G3BP1: variants seen among roughly 807,000 people sequenced by gnomAD.
G3BP1 encodes ras GTPase-activating protein-binding protein 1.
Under a neutral mutation model 58.6 loss-of-function variants are expected in G3BP1, and 35 were observed. The ratio of observed to expected loss-of-function variants is 0.60; its 90% CI spans 0.46 to 0.79. G3BP1 has a LOEUF of 0.79. Among genes scored for constraint, G3BP1 ranks in the 30% least tolerant of loss-of-function variants. The probability of loss-of-function intolerance (pLI) is 0.00; values close to 1 mark genes in which losing one functional copy is unlikely to be tolerated. For missense variants in G3BP1, 523 were observed against 580.8 expected, an observed-to-expected ratio of 0.90 and a Z score of 1.02; for synonymous variants, 191 against 195.4, an observed-to-expected ratio of 0.98 and a Z score of 0.19.
At chr5:151,780,577 C>G (rs927652399) in intron 1 of G3BP1, among the ~76,000 whole-genome samples, 5 of 152,168 alleles carry the variant, frequency 3.3e-5, no homozygotes, top group Admixed American at 1.3e-4. Context: ...GTGGTGCGAT[C>G]TTGGCTCATT....
chr5:151,787,776 G>A, intron 2 of G3BP1: 1 of 313,650 alleles, frequency 3.2e-6, no homozygotes, highest in Non-Finnish European at 6.5e-6. Context: ...TTGCATATTG[G>A]ATACCACATG....
intron 1 of G3BP1, among the ~76,000 whole-genome samples, chr5:151,781,567 A>G (rs1762471532): frequency 6.6e-6 from 1 of 152,222 alleles, no homozygotes; most frequent in Non-Finnish European, 1.5e-5. Flanking sequence ...ATCACTAATG[A>G]TGCTGAAAGC....
At position 151,797,266 on chromosome 5, in the gene G3BP1, A is replaced by T; in HGVS notation, c.579A>T (p.Glu193Asp). Residue 193 changes from glutamate (E) to aspartate (D), a missense_variant, in exon 7 of 12, where the codon GAA becomes GAT. Transcript: ENST00000356245. Reference sequence around the variant, plus strand: ...AACATTTAGAGGAGCCTGTTGCTGAACCAGAGCCTGATCCTGAACCAGAAC... The same window carrying T: ...AACATTTAGAGGAGCCTGTTGCTGATCCAGAGCCTGATCCTGAACCAGAAC... ...MEEHLEEPVA[E>D]PEPDPEPEPE... is the part of the protein sequence containing the mutation. The T allele has an allele frequency of 6.2e-7, 1 of 1,613,324 alleles. No homozygotes were observed. Among genetic ancestry groups the T allele is most frequent in the Non-Finnish European group, 8.5e-7 (1 of 1,179,266 alleles).
At chr5:151,781,708 C>CAATATT (rs1762474629) in intron 1 of G3BP1, among the ~76,000 whole-genome samples, 1 of 152,184 alleles carries the variant, frequency 6.6e-6, no homozygotes. Context: ...AAACAGACAG[C>CAATATT]ATAAACATAT....
chr5:151,800,951 T>A (rs1762840297), intron 11 of G3BP1, 82 bp downstream of exon 11: 1 of 689,844 alleles, frequency 1.4e-6, no homozygotes, highest in Non-Finnish European at 2.6e-6. Flanking sequence ...TACAGCTGGG[T>A]CTTTATGTAA....
chr5:151,791,044 G>A lies in G3BP1; in HGVS notation c.333G>A (p.Thr111=), dbSNP rs372525889. 54 of 1,613,532 alleles carry A rather than the reference G, an allele frequency of 3.3e-5. No homozygotes were observed. In the East Asian group the frequency reaches 8.5e-4, roughly 25 times the overall value. ...AGGCTTTGAGGAGATTCATGCAAAC[G>A]TTTGTCCTTGCTCCTGAGGTATGTG... is the stretch of plus-strand genomic sequence containing the variant. The part of the protein sequence containing the change: ...NNQALRRFMQ[T]FVLAPEGSVA... The change falls in exon 4 of 12, where the codon ACG becomes ACA. Residue 111 remains threonine (T), a synonymous_variant. Transcript: ENST00000356245.
rs781546036 is a variant in G3BP1 at position 151,804,849 on chromosome 5, A to G, written c.*758A>G. 4 of 152,762 alleles carry G rather than the reference A, an allele frequency of 2.6e-5. No individual in the cohort carries two copies. The highest frequency in any genetic ancestry group is 4.4e-5 in the Non-Finnish European group (3 of 68,022). The allele number at this position is 152,762 out of a possible 1,614,324, so 9.5% of individuals were successfully genotyped here. On this transcript the variant is annotated 3_prime_UTR_variant, in exon 12 of 12. Transcript: ENST00000356245. The stretch of plus-strand genomic sequence containing the variant: ...TTGTAAAAAAACAAAAAGCAAAAAA[A>G]TTCCCAAAACCCAGATAACAACCAG...
chr5:151,786,243 C>T (rs187251144), intron 1 of G3BP1, among the ~76,000 whole-genome samples: 2 of 152,264 alleles, frequency 1.3e-5, no homozygotes, highest in East Asian at 1.9e-4. Context: ...GAGCCGAGAT[C>T]GCACCACTGC....
At chr5:151,800,169 G>A in intron 9 of G3BP1, 49 bp from the exon 10 acceptor site, 1 of 1,590,180 alleles carries the variant, frequency 6.3e-7, no homozygotes, top group South Asian at 1.1e-5. Context: ...GTCATTGAAA[G>A]ATGTCTTCTT....
chr5:151,790,531 G>A, intron 3 of G3BP1, 127 bp downstream of exon 3: 1 of 515,910 alleles, frequency 1.9e-6, no homozygotes, highest in Non-Finnish European at 3.5e-6. Flanking sequence ...AAAAGTTGAT[G>A]TGTTTTATTA....
intron 4 of G3BP1, among the ~76,000 whole-genome samples, chr5:151,793,845 AAAAAAAG>A (rs1197245816): frequency 2.6e-5 from 4 of 151,600 alleles, no homozygotes; most frequent in Non-Finnish European, 5.9e-5. Flanking sequence ...AAAAAAAAAA[AAAAAAAG>A]AAAAAAGAGA....
chr5:151,800,145 A>G (rs1762826948), intron 9 of G3BP1, 73 bp from the exon 10 acceptor site: 4 of 1,442,542 alleles, frequency 2.8e-6, no homozygotes, highest in Middle Eastern at 2.3e-4. Context: ...AGGGAAAACT[A>G]TTGAATGTGA....
chr5:151,780,598 C>T (rs558282996), intron 1 of G3BP1, among the ~76,000 whole-genome samples: 20 of 152,258 alleles, frequency 1.3e-4, no homozygotes, highest in African/African-American at 4.1e-4. Flanking sequence ...GCAAGAGCTC[C>T]GCCTCCCGGG....
rs190694964 is a variant in G3BP1 at position 151,777,777 on chromosome 5, A to G, written c.-50+5741A>G. ...TCACCACAATCAAGATTGTGAACCT[A>G]TCCATTACCCCCAAAAGTTTTCTCA... On this transcript the variant is annotated intron_variant, in intron 1 of 11. Coordinates refer to ENST00000356245, the MANE Select transcript of G3BP1 (RefSeq NM_005754.3). Among the ~76,000 whole-genome samples, 518 of 152,152 alleles carry G rather than the reference A, an allele frequency of 3.4e-3. 4 individuals are homozygous for G. The highest frequency in any genetic ancestry group is 6.8e-3 in the Middle Eastern group (2 of 294).
At chr5:151,787,916 T>TGC (rs1762578598) in intron 2 of G3BP1, 3 of 114,306 alleles carry the variant, frequency 2.6e-5, no homozygotes, top group Admixed American at 2.1e-4. Flanking sequence ...TGTGTGTGCA[T>TGC]GTGTGTGTGT....
rs1762931331 is a variant in G3BP1 at position 151,805,802 on chromosome 5, G to A, written c.*1711G>A. 6.6e-6 allele frequency: 1 copy of A among 152,126 alleles called. No homozygotes were observed. The highest frequency in any genetic ancestry group is 1.5e-5 in the Non-Finnish European group (1 of 68,020). 9.4% of individuals were successfully genotyped at this position (152,126 alleles called of 1,614,324 possible). On this transcript the variant is annotated 3_prime_UTR_variant, in exon 12 of 12. Coordinates refer to ENST00000356245, the MANE Select transcript of G3BP1 (RefSeq NM_005754.3). ...AAGAAATACAACTTATACTTTTGTA[G>A]CTTATATTAAGCATGTGGTGGGTGG... is the stretch of plus-strand genomic sequence containing the variant.
At chr5:151,774,425 T>G (rs968034212) in intron 1 of G3BP1, among the ~76,000 whole-genome samples, 1 of 151,990 alleles carries the variant, frequency 6.6e-6, no homozygotes, top group East Asian at 1.9e-4. Context: ...TAAAAGTTTG[T>G]GAATTTTATA....
At position 151,794,231 on chromosome 5, in the gene G3BP1, G is replaced by C; in HGVS notation, c.424G>C (p.Val142Leu). 1 of 1,602,430 alleles carries C rather than the reference G, an allele frequency of 6.2e-7. No individual in the cohort carries two copies. The highest frequency in any genetic ancestry group is 8.6e-7 in the Non-Finnish European group (1 of 1,169,428). Reference sequence around the variant, plus strand: ...CCAAGATGAGGTCTTTGGTGGGTTTGTCACTGAGCCTCAGGAGGGTAAGTA... The same window carrying C: ...CCAAGATGAGGTCTTTGGTGGGTTTCTCACTGAGCCTCAGGAGGGTAAGTA... ...RYQDEVFGGF[V>L]TEPQEESEEE... The change falls in exon 5 of 12, where the codon GTC becomes CTC. Residue 142 changes from valine (V) to leucine (L), a missense_variant. Val to Leu is a conservative substitution (Grantham distance 32). Transcript: ENST00000356245.
intron 6 of G3BP1, among the ~76,000 whole-genome samples, chr5:151,796,886 C>T (rs546470484): frequency 4.3e-5 from 6 of 141,016 alleles, no homozygotes; most frequent in Non-Finnish European, 7.6e-5. Flanking sequence ...CTTTCTTTCC[C>T]GCCCCCCCCG....
Sources: gnomAD v4.1 joint callset for allele counts (sites outside exome capture counted in the v4.1 genomes callset) on GRCh38, gnomAD v4.1.1 for gene constraint, MANE v1.5 for transcripts, NCBI Gene and HGNC (gene_info 2026-07-23, HGNC 2026-07-21) for gene names.